The following TNC variants were observed in gnomAD, a reference collection of about 807,000 sequenced individuals.
The protein encoded by TNC is tenascin C.
Under a neutral mutation model 202.4 loss-of-function variants are expected in TNC, and 109 were observed. That is an observed-to-expected ratio of 0.54 (90% CI 0.46 to 0.63). The LOEUF (loss-of-function observed/expected upper bound fraction) is 0.63, where lower values mean the gene tolerates loss of function less well. Among genes scored for constraint, TNC ranks in the 30% least tolerant of loss-of-function variants. The pLI is 0.00. For missense variants in TNC, 2,756 were observed against 2,833.3 expected, an observed-to-expected ratio of 0.97 and a Z score of 0.62; for synonymous variants, 1,007 against 1,089.7, an observed-to-expected ratio of 0.92 and a Z score of 1.50.
intron 1 of TNC, among the ~76,000 whole-genome samples, chr9:115,110,051 T>C (rs528114794): frequency 6.6e-6 from 1 of 152,078 alleles, no homozygotes; most frequent in African/African-American, 2.4e-5. Flanking sequence ...AAGGAGATGA[T>C]AGATTTAAAA....
chr9:115,103,739 G>A (rs1005448791), intron 1 of TNC, among the ~76,000 whole-genome samples: 8 of 152,088 alleles, frequency 5.3e-5, no homozygotes, highest in African/African-American at 1.9e-4. Flanking sequence ...AAGTCAACTG[G>A]CCAACATTAA....
intron 1 of TNC, among the ~76,000 whole-genome samples, chr9:115,105,972 G>A (rs1463005484): frequency 6.6e-6 from 1 of 152,130 alleles, no homozygotes; most frequent in African/African-American, 2.4e-5. Context: ...ACAGGATTAG[G>A]TTGGATGGCA....
rs62578423 is a variant in TNC, at chr9:115,047,962, A to T, written c.4852+298T>A. Among the ~76,000 whole-genome samples the T allele has an allele frequency of 0.092, 13,983 of 152,230 alleles. 864 individuals carry two copies. Among genetic ancestry groups the T allele is most frequent in the Middle Eastern group, 0.19 (55 of 294 alleles). On this transcript the variant is annotated intron_variant, in intron 16 of 27. Coordinates refer to ENST00000350763, the MANE Select transcript of TNC (RefSeq NM_002160.4). Reference sequence around the variant, plus strand: ...ATGTAGCTGGGGACCAGCCAGGTTGATCACAAGGGACGATGATATGAGGTA... The same window carrying T: ...ATGTAGCTGGGGACCAGCCAGGTTGTTCACAAGGGACGATGATATGAGGTA...
intron 1 of TNC, among the ~76,000 whole-genome samples, chr9:115,117,748 C>T (rs1338536252): frequency 6.6e-6 from 1 of 152,098 alleles, no homozygotes; most frequent in African/African-American, 2.4e-5. Context: ...AACAACTTTA[C>T]GAAAAGTTCC....
intron 27 of TNC, among the ~76,000 whole-genome samples, chr9:115,023,238 G>A (rs1829222476): frequency 6.6e-6 from 1 of 152,148 alleles, no homozygotes; most frequent in Admixed American, 6.5e-5. Context: ...TCCTCCCAGG[G>A]ATGGTGACTA....
At chr9:115,105,093 CA>C (rs1361095830) in intron 1 of TNC, among the ~76,000 whole-genome samples, 1 of 152,102 alleles carries the variant, frequency 6.6e-6, no homozygotes, top group Non-Finnish European at 1.5e-5. Context: ...GAGCCATTGA[CA>C]ATTACAAAAT....
intron 13 of TNC, 121 bp downstream of exon 13, chr9:115,062,796 A>T: frequency 8.6e-7 from 1 of 1,157,418 alleles, no homozygotes; most frequent in Non-Finnish European, 1.2e-6. Flanking sequence ...TTCCTGAGTT[A>T]GAGATTCACG....
rs1829851217 is a variant in TNC, at chr9:115,030,332, G to A, written c.5994C>T (p.Tyr1998=). 1 of 1,614,012 alleles carries A rather than the reference G, an allele frequency of 6.2e-7. No individual in the cohort carries two copies. The highest frequency in any genetic ancestry group is 8.5e-7 in the Non-Finnish European group (1 of 1,179,890). ...MLNGDTTSGL[Y]TIYLNGDKAE... is the part of the protein sequence containing the mutation. ...CCTTATCACCATTCAGATAAATGGT[G>A]TAGAGGCCAGAGGTCGTGTCTCCAT... The change falls in exon 24 of 28, where the codon TAC becomes TAT. Residue 1998 remains tyrosine (Y), a synonymous_variant. Transcript: ENST00000350763.
intron 10 of TNC, among the ~76,000 whole-genome samples, chr9:115,066,530 C>T (rs1263177150): frequency 1.3e-5 from 2 of 152,174 alleles, no homozygotes; most frequent in Non-Finnish European, 2.9e-5. Flanking sequence ...TGATTTAACT[C>T]AGACATTTCT....
chr9:115,049,407 T>TA (rs1336583685), intron 15 of TNC, among the ~76,000 whole-genome samples: 1 of 152,154 alleles, frequency 6.6e-6, no homozygotes. Context: ...GTAAGGTAGA[T>TA]ATTGCTACCT....
chr9:115,081,681 G>A, intron 6 of TNC, 91 bp downstream of exon 6: 1 of 1,359,832 alleles, frequency 7.4e-7, no homozygotes, highest in Admixed American at 1.8e-5. Flanking sequence ...AAATGATGTA[G>A]ATGCTATATG....
At chr9:115,109,799 T>G (rs112351893) in intron 1 of TNC, among the ~76,000 whole-genome samples, 2,246 of 152,352 alleles carry the variant, frequency 0.015, 50 homozygotes, top group African/African-American at 0.052. Flanking sequence ...TCACATGTTG[T>G]GTCATCACAC....
intron 15 of TNC, among the ~76,000 whole-genome samples, chr9:115,051,404 G>T (rs183632236): frequency 2.2e-4 from 34 of 152,144 alleles, no homozygotes; most frequent in African/African-American, 8.2e-4. Flanking sequence ...CAGGTCTTCC[G>T]ACTCCAAGTT....
rs753968096 is a variant in TNC at position 115,020,554 on chromosome 9, AT to A, written c.*602del. ...CAAACTCAAAAGTACTTGTGCTTTT[AT>A]TTAAAAAAAAAATACAATCAGGTAC... On this transcript the variant is annotated 3_prime_UTR_variant, in exon 28 of 28. Coordinates refer to ENST00000350763, the MANE Select transcript of TNC (RefSeq NM_002160.4). The A allele has an allele frequency of 1.5e-4, 33 of 218,984 alleles. No homozygotes were observed. Among genetic ancestry groups the A allele is most frequent in the Admixed American group, 2.2e-4 (4 of 17,952 alleles). 13.6% of individuals were successfully genotyped at this position (218,984 alleles called of 1,614,324 possible).
chr9:115,022,274 C>T (rs1214278115), intron 27 of TNC, among the ~76,000 whole-genome samples: 9 of 152,218 alleles, frequency 5.9e-5, no homozygotes, highest in South Asian at 2.1e-4. Flanking sequence ...TGGGCAAATC[C>T]GCTTGTAATT....
chr9:115,081,747 T>C, intron 6 of TNC, 25 bp downstream of exon 6: 1 of 1,613,488 alleles, frequency 6.2e-7, no homozygotes, highest in Non-Finnish European at 8.5e-7. Context: ...CTTATCATTC[T>C]ATAAGTATTA....
intron 22 of TNC, among the ~76,000 whole-genome samples, chr9:115,033,780 G>A (rs2131743635): frequency 1.3e-5 from 2 of 152,324 alleles, no homozygotes; most frequent in Middle Eastern, 6.8e-3. Flanking sequence ...AAGATGAGGG[G>A]AATGGGAGAG....
At chr9:115,031,374 TC>T (rs1334527100) in intron 23 of TNC, among the ~76,000 whole-genome samples, 178 bp downstream of exon 23, 1 of 152,232 alleles carries the variant, frequency 6.6e-6, no homozygotes, top group African/African-American at 2.4e-5. Context: ...TCCTTTCCTT[TC>T]ACCGGGATGC....
In TNC at chr9:115,031,688, A is replaced by G. The variant is rs113981246; in HGVS notation, c.5788-3T>C. On this transcript the variant is annotated splice_region_variant and splice_polypyrimidine_tract_variant and intron_variant, in intron 22 of 27. Transcript: ENST00000350763. Reference sequence around the variant, plus strand: ...GTATCTGGACCCACAATGACTTCCTAAGAGCAGAAGAAAAAGTATAATGGC... The same window carrying G: ...GTATCTGGACCCACAATGACTTCCTGAGAGCAGAAGAAAAAGTATAATGGC... The G allele has an allele frequency of 6.2e-7, 1 of 1,606,060 alleles. No homozygotes were observed. Among genetic ancestry groups the G allele is most frequent in the Non-Finnish European group, 8.5e-7 (1 of 1,177,300 alleles).
Sources: allele counts gnomAD v4.1 joint callset (sites outside exome capture counted in the v4.1 genomes callset), GRCh38; gene constraint gnomAD v4.1.1; transcripts MANE v1.5; gene names NCBI Gene and HGNC (gene_info 2026-07-23, HGNC 2026-07-21).